The following PPP3CA variants were observed in gnomAD, a reference collection of about 807,000 sequenced individuals.
PPP3CA encodes the protein protein phosphatase 3 catalytic subunit alpha.
Under a neutral mutation model 66.5 loss-of-function variants are expected in PPP3CA, and 14 were observed. That is an observed-to-expected ratio of 0.21 (90% CI 0.14 to 0.33). The LOEUF is 0.33. Among genes scored for constraint, PPP3CA ranks in the 10% least tolerant of loss-of-function variants. The probability of loss-of-function intolerance (pLI) is 1.00; values close to 1 mark genes in which losing one functional copy is unlikely to be tolerated. For synonymous variants in PPP3CA, 232 were observed against 226.2 expected, an observed-to-expected ratio of 1.03 and a Z score of -0.23; for missense variants, 317 against 639.5, an observed-to-expected ratio of 0.50 and a Z score of 5.44.
At chr4:101,310,782 C>A (rs186782502) in intron 1 of PPP3CA, among the ~76,000 whole-genome samples, 1 of 152,226 alleles carries the variant, frequency 6.6e-6, no homozygotes, top group East Asian at 1.9e-4. Flanking sequence ...AAATTCAATA[C>A]AATGAAAGCA....
intron 1 of PPP3CA, among the ~76,000 whole-genome samples, chr4:101,276,720 T>C (rs1727504856): frequency 6.6e-6 from 1 of 152,324 alleles, no homozygotes; most frequent in East Asian, 1.9e-4. Flanking sequence ...AAATATGTTG[T>C]TTGGAACAGT....
At chr4:101,097,685 GTCTA>G (rs1730258622) in intron 5 of PPP3CA, among the ~76,000 whole-genome samples, 1 of 151,992 alleles carries the variant, frequency 6.6e-6, no homozygotes, top group African/African-American at 2.4e-5. Flanking sequence ...ATAAAAGATT[GTCTA>G]TCTATTGTAC....
At chr4:101,322,357 A>G (rs1400436454) in intron 1 of PPP3CA, among the ~76,000 whole-genome samples, 1 of 151,918 alleles carries the variant, frequency 6.6e-6, no homozygotes, top group African/African-American at 2.4e-5. Flanking sequence ...GTGCCCTTAA[A>G]ACACAGCTAG....
chr4:101,130,125 T>C (rs537283172), intron 2 of PPP3CA, among the ~76,000 whole-genome samples: 9 of 151,726 alleles, frequency 5.9e-5, no homozygotes, highest in Non-Finnish European at 1.0e-4. Flanking sequence ...AACAGCCAAA[T>C]TGACCAAGCG....
chr4:101,342,861 T>G (rs559984154), intron 1 of PPP3CA, among the ~76,000 whole-genome samples: 2 of 152,304 alleles, frequency 1.3e-5, no homozygotes, highest in Admixed American at 1.3e-4. Flanking sequence ...TTAAGTAGTA[T>G]TATCAGTCTC....
intron 2 of PPP3CA, among the ~76,000 whole-genome samples, chr4:101,118,995 C>A (rs1721937256): frequency 1.5e-5 from 2 of 134,524 alleles, no homozygotes; most frequent in African/African-American, 5.8e-5. Context: ...ATGAAGCAAG[C>A]AATGTAAGGA....
chr4:101,188,737 A>G (rs1724492846), intron 2 of PPP3CA, among the ~76,000 whole-genome samples: 1 of 152,132 alleles, frequency 6.6e-6, no homozygotes, highest in Non-Finnish European at 1.5e-5. Flanking sequence ...ATGTTACTTC[A>G]TAAGGCAATG....
At chr4:101,094,529 G>A (rs1357105146) in intron 5 of PPP3CA, among the ~76,000 whole-genome samples, 1 of 152,126 alleles carries the variant, frequency 6.6e-6, no homozygotes, top group African/African-American at 2.4e-5. Context: ...GGTTTCTAAT[G>A]ATAAACTACA....
Position 101,346,982 on chromosome 4 carries a change from G to A in PPP3CA, c.-186C>T, listed in dbSNP as rs989324354. The A allele has an allele frequency of 2.5e-5, 16 of 632,882 alleles. No individual in the cohort carries two copies. The highest frequency in any genetic ancestry group is 4.1e-5 in the Non-Finnish European group (15 of 369,924). 39.2% of individuals were successfully genotyped at this position (632,882 alleles called of 1,614,324 possible). On this transcript the variant is annotated 5_prime_UTR_variant, in exon 1 of 14. Coordinates refer to ENST00000394854, the MANE Select transcript of PPP3CA (RefSeq NM_000944.5). Reference sequence around the variant, plus strand: ...TGCCTTTTCCGCGCGTCCCTCCTCCGCCGCCGCCGCCTTCACTCCTCCTCC... The same window carrying A: ...TGCCTTTTCCGCGCGTCCCTCCTCCACCGCCGCCGCCTTCACTCCTCCTCC...
intron 1 of PPP3CA, among the ~76,000 whole-genome samples, chr4:101,203,131 C>T (rs1310586282): frequency 6.6e-6 from 1 of 152,164 alleles, no homozygotes; most frequent in Middle Eastern, 3.4e-3. Flanking sequence ...ATATATTATA[C>T]CCAGGACTTT....
chr4:101,038,222 T>C (rs1727339239), intron 11 of PPP3CA, among the ~76,000 whole-genome samples: 1 of 152,232 alleles, frequency 6.6e-6, no homozygotes, highest in Admixed American at 6.5e-5. Flanking sequence ...ACCACATCTC[T>C]CCCTGCCCTG....
At chr4:101,282,326 A>C (rs1325043892) in intron 1 of PPP3CA, among the ~76,000 whole-genome samples, 1 of 152,224 alleles carries the variant, frequency 6.6e-6, no homozygotes, top group Non-Finnish European at 1.5e-5. Flanking sequence ...AAGAATGACA[A>C]AGGTGATTAG....
intron 1 of PPP3CA, among the ~76,000 whole-genome samples, chr4:101,224,195 A>C (rs1560667293): frequency 3.3e-5 from 5 of 151,804 alleles, no homozygotes; most frequent in Non-Finnish European, 7.4e-5. Context: ...AGCAGGCATA[A>C]ATCGTTACTG....
chr4:101,087,894 A>T (rs551530899), intron 6 of PPP3CA, among the ~76,000 whole-genome samples: 33 of 152,248 alleles, frequency 2.2e-4, no homozygotes, highest in African/African-American at 7.9e-4. Context: ...GAGGTGAAGT[A>T]AGATCAGGTG....
intron 1 of PPP3CA, among the ~76,000 whole-genome samples, chr4:101,259,764 C>G (rs953341047): frequency 6.6e-6 from 1 of 152,110 alleles, no homozygotes; most frequent in East Asian, 1.9e-4. Context: ...TCCATCAGAA[C>G]AGAAGATCTG....
At chr4:101,271,913 T>A (rs1727347739) in intron 1 of PPP3CA, among the ~76,000 whole-genome samples, 1 of 152,208 alleles carries the variant, frequency 6.6e-6, no homozygotes, top group African/African-American at 2.4e-5. Context: ...TGCTACAACT[T>A]TTTAAAACAA....
intron 2 of PPP3CA, among the ~76,000 whole-genome samples, chr4:101,140,896 A>G (rs531932716): frequency 6.6e-6 from 1 of 152,328 alleles, no homozygotes; most frequent in South Asian, 2.1e-4. Context: ...CTACCCACAT[A>G]AAGTAAATTA....
intron 5 of PPP3CA, among the ~76,000 whole-genome samples, chr4:101,097,979 G>C (rs1334623831): frequency 6.6e-6 from 1 of 152,100 alleles, no homozygotes; most frequent in East Asian, 1.9e-4. Flanking sequence ...CATAAAATGA[G>C]CACAGTTTAA....
In PPP3CA at chr4:101,315,231, C is replaced by T. The variant is rs72921893; in HGVS notation, c.58+31508G>A. Among the ~76,000 whole-genome samples the T allele has an allele frequency of 9.4e-3, 1,427 of 152,290 alleles. 23 individuals are homozygous for T. The highest frequency in any genetic ancestry group is 0.031 in the African/African-American group (1,281 of 41,552). On this transcript the variant is annotated intron_variant, in intron 1 of 13. Coordinates refer to ENST00000394854, the MANE Select transcript of PPP3CA (RefSeq NM_000944.5). ...CACACATCTATGAAGGAAATAGGCT[C>T]TCATCAGAATCTGCCCATGCTGGCA... is the stretch of plus-strand genomic sequence containing the variant.
Sources: gnomAD v4.1 joint callset for allele counts (sites outside exome capture counted in the v4.1 genomes callset) on GRCh38, gnomAD v4.1.1 for gene constraint, MANE v1.5 for transcripts, NCBI Gene and HGNC (gene_info 2026-07-23, HGNC 2026-07-21) for gene names.